The following RAPGEF2 variants were observed in gnomAD, a reference collection of about 807,000 sequenced individuals.
RAPGEF2 encodes PDZ domain containing guanine nucleotide exchange factor (GEF) 1.
In RAPGEF2, 54 loss-of-function variants were observed where a neutral mutation model predicts 186.7. The observed-to-expected ratio is 0.29, with a 90% confidence interval of 0.23 to 0.36. RAPGEF2 has a LOEUF of 0.36. RAPGEF2 is among the 10% of genes least tolerant of loss of function. RAPGEF2 has a pLI of 1.00. For missense variants in RAPGEF2, 1,532 were observed against 2,045.0 expected (o/e 0.75, Z 4.84); for synonymous variants, 712 against 705.9 (o/e 1.01, Z -0.14).
intron 1 of RAPGEF2, among the ~76,000 whole-genome samples, chr4:159,179,304 C>A (rs1746779743): frequency 6.7e-6 from 1 of 150,326 alleles, no homozygotes; most frequent in African/African-American, 2.4e-5. Context: ...GTTTGTGTGT[C>A]ATAGTTTTTT....
intron 1 of RAPGEF2, among the ~76,000 whole-genome samples, chr4:159,106,995 C>G (rs1161395150): frequency 6.6e-6 from 1 of 152,108 alleles, no homozygotes; most frequent in Non-Finnish European, 1.5e-5. Flanking sequence ...AAATTATCAT[C>G]TAAGTTTTAG....
chr4:159,216,874 A>G (rs1002257630), intron 4 of RAPGEF2, among the ~76,000 whole-genome samples: 9 of 152,216 alleles, frequency 5.9e-5, no homozygotes, highest in African/African-American at 1.9e-4. Context: ...TTTAAATTAC[A>G]GCTGGCAGTT....
intron 3 of RAPGEF2, among the ~76,000 whole-genome samples, chr4:159,198,330 CTTTCTTTT>C (rs772788324): frequency 1.7e-4 from 12 of 70,292 alleles, no homozygotes; most frequent in Non-Finnish European, 1.8e-4. Flanking sequence ...TTCTTTCTTT[CTTTCTTTT>C]TCTTTCTCTC....
chr4:159,267,179 T>C, intron 7 of RAPGEF2: 1 of 1,286,728 alleles, frequency 7.8e-7, no homozygotes, highest in South Asian at 1.2e-5. Context: ...GTGTCTTGCT[T>C]TCTGCAGGAA....
At chr4:159,286,563 C>T (rs2110928090) in intron 7 of RAPGEF2, among the ~76,000 whole-genome samples, 1 of 152,236 alleles carries the variant, frequency 6.6e-6, no homozygotes, top group Middle Eastern at 3.4e-3. Flanking sequence ...ATCTCCACTC[C>T]CTGGAGAACT....
Position 159,358,338 on chromosome 4 carries a change from C to T in RAPGEF2, c.*199C>T, listed in dbSNP as rs781287434. On this transcript the variant is annotated 3_prime_UTR_variant, in exon 30 of 30. Transcript: ENST00000691494. ...TGTGAAATACTGTGAAGAAATTGCC[C>T]TGGCACTTTTCAGACTTTGTTGCTT... 1.1e-5 allele frequency: 6 copies of T among 561,452 alleles called. No homozygotes were observed. The highest frequency in any genetic ancestry group is 1.9e-5 in the Non-Finnish European group (6 of 320,018). 34.8% of individuals were successfully genotyped at this position (561,452 alleles called of 1,614,324 possible). A position where few individuals can be genotyped will look rare whatever the true frequency, so the allele number is the denominator to read the frequency against.
intron 7 of RAPGEF2, among the ~76,000 whole-genome samples, chr4:159,292,545 G>A (rs1761375988): frequency 6.6e-6 from 1 of 152,058 alleles, no homozygotes; most frequent in African/African-American, 2.4e-5. Flanking sequence ...ACAAATACTA[G>A]GATATAAAGT....
chr4:159,225,131 G>A (rs1320279986), intron 4 of RAPGEF2, among the ~76,000 whole-genome samples: 2 of 152,162 alleles, frequency 1.3e-5, no homozygotes, highest in Non-Finnish European at 2.9e-5. Context: ...TGTAGATACA[G>A]GGTAGGGTAG....
At chr4:159,241,502 A>T (rs1753994483) in intron 6 of RAPGEF2, 134 bp downstream of exon 6, 1 of 305,042 alleles carries the variant, frequency 3.3e-6, no homozygotes, top group Non-Finnish European at 5.7e-6. Context: ...AGTATACTTA[A>T]ATATTTATTT....
intron 1 of RAPGEF2, among the ~76,000 whole-genome samples, chr4:159,184,360 A>G (rs1329375659): frequency 6.6e-6 from 1 of 152,214 alleles, no homozygotes; most frequent in Non-Finnish European, 1.5e-5. Flanking sequence ...TCCCACCAAC[A>G]GTGTAAAAGT....
At chr4:159,330,259 A>ATGTGTGTGTG in intron 12 of RAPGEF2, 75 bp from the exon 13 acceptor site, 1 of 531,074 alleles carries the variant, frequency 1.9e-6, no homozygotes, top group South Asian at 3.0e-5. Context: ...GTGTGTGTAT[A>ATGTGTGTGTG]TGTATATGTG....
chr4:159,317,969 T>C (rs1410544743), intron 9 of RAPGEF2, among the ~76,000 whole-genome samples: 1 of 152,098 alleles, frequency 6.6e-6, no homozygotes, highest in Non-Finnish European at 1.5e-5. Flanking sequence ...TTTAAGACTT[T>C]CAGTTGATAG....
At chr4:159,119,158 A>G (rs192344072) in intron 1 of RAPGEF2, among the ~76,000 whole-genome samples, 5 of 152,284 alleles carry the variant, frequency 3.3e-5, no homozygotes, top group African/African-American at 1.2e-4. Flanking sequence ...ATATACAAGA[A>G]AAATCTAAAG....
intron 1 of RAPGEF2, among the ~76,000 whole-genome samples, chr4:159,135,608 T>A (rs1047961832): frequency 1.3e-5 from 2 of 152,190 alleles, no homozygotes. Flanking sequence ...TTCTTTCTTT[T>A]CTTTTTTTGA....
intron 7 of RAPGEF2, chr4:159,282,685 T>A (rs1241904774): frequency 4.5e-6 from 2 of 445,212 alleles, no homozygotes; most frequent in East Asian, 1.4e-4. Flanking sequence ...CTGGTTAACC[T>A]TTGCTTAAGA....
At chr4:159,286,486 A>T in intron 7 of RAPGEF2, among the ~76,000 whole-genome samples, 2 of 152,274 alleles carry the variant, frequency 1.3e-5, no homozygotes, top group Admixed American at 1.3e-4. Flanking sequence ...TAAAATGTAG[A>T]TCAAACTGTT....
chr4:159,240,982 C>T (rs992540983), intron 5 of RAPGEF2: 2 of 454,692 alleles, frequency 4.4e-6, no homozygotes, highest in African/African-American at 4.0e-5. Flanking sequence ...CCATATTGTC[C>T]TAAGTGGAAC....
At chr4:159,162,627 G>T (rs1349956724) in intron 1 of RAPGEF2, among the ~76,000 whole-genome samples, 2 of 152,094 alleles carry the variant, frequency 1.3e-5, no homozygotes, top group Non-Finnish European at 1.5e-5. Flanking sequence ...TTTTGCTGGT[G>T]TTCTCTCATT....
intron 9 of RAPGEF2, among the ~76,000 whole-genome samples, chr4:159,315,809 G>A (rs984304266): frequency 1.3e-5 from 2 of 152,176 alleles, no homozygotes; most frequent in African/African-American, 2.4e-5. Context: ...TTACTGCTGC[G>A]ATCTAGAAGG....
Sources: allele counts gnomAD v4.1 joint callset (sites outside exome capture counted in the v4.1 genomes callset), GRCh38; gene constraint gnomAD v4.1.1; transcripts MANE v1.5; gene names NCBI Gene and HGNC (gene_info 2026-07-23, HGNC 2026-07-21).